Variants in ZDHHC6 observed in about 807,000 individuals in gnomAD.
ZDHHC6 encodes the protein zDHHC palmitoyltransferase 6, also known as palmitoyltransferase ZDHHC6.
ZDHHC6 carries 32 observed loss-of-function variants against 57.8 expected under a neutral mutation model. That is an observed-to-expected ratio of 0.55 (90% confidence interval 0.42 to 0.74). The LOEUF is 0.74. Among genes scored for constraint, ZDHHC6 ranks in the 30% least tolerant of loss-of-function variants. The pLI, the probability that ZDHHC6 is intolerant of heterozygous loss-of-function variation, is 0.00. For missense variants in ZDHHC6, 433 were observed against 500.7 expected (o/e 0.86, Z 1.29); for synonymous variants, 128 against 158.0 (o/e 0.81, Z 1.42).
At chr10:112,445,097 T>C in intron 2 of ZDHHC6, 73 bp downstream of exon 2, 2 of 1,502,566 alleles carry the variant, frequency 1.3e-6, no homozygotes. Flanking sequence ...TTGGTATTAT[T>C]GGTTAGTAGA....
chr10:112,430,134 C>G (rs1010432670), downstream of ZDHHC6, among the ~76,000 whole-genome samples: 1 of 152,220 alleles, frequency 6.6e-6, no homozygotes, highest in South Asian at 2.1e-4. Context: ...TCACTATGAC[C>G]GCAATATCCC....
In ZDHHC6 at chr10:112,443,368, G is replaced by A. The variant is rs1343652392; in HGVS notation, c.359+147C>T. 18 of 549,814 alleles carry A rather than the reference G, an allele frequency of 3.3e-5. 1 individual carries two copies. The highest frequency in any genetic ancestry group is 6.1e-5 in the South Asian group (2 of 32,994). The allele number at this position is 549,814 out of a possible 1,614,324, so 34.1% of individuals were successfully genotyped here. On this transcript the variant is annotated intron_variant, in intron 3 of 10. Transcript: ENST00000369405. Reference sequence around the variant, plus strand: ...CTAGATAATTTAAGTATAAAATGGCGATTATGGACACAAGTATTCTGACAA... The same window carrying A: ...CTAGATAATTTAAGTATAAAATGGCAATTATGGACACAAGTATTCTGACAA...
chr10:112,447,316 C>T (rs1436130466), upstream of ZDHHC6: 7 of 1,563,700 alleles, frequency 4.5e-6, no homozygotes, highest in African/African-American at 1.4e-5. Flanking sequence ...CCTCGCTGCC[C>T]CTCGAGGCCC....
chr10:112,442,495 A>G (rs1846219144), intron 3 of ZDHHC6, 144 bp from the exon 4 acceptor site: 2 of 756,388 alleles, frequency 2.6e-6, no homozygotes, highest in South Asian at 2.4e-5. Context: ...AGAAAGAAAA[A>G]TCTTTATGAG....
chr10:112,433,186 A>G, intron 8 of ZDHHC6, 54 bp downstream of exon 8: 1 of 1,437,954 alleles, frequency 7.0e-7, no homozygotes, highest in Non-Finnish European at 9.4e-7. Flanking sequence ...ACTGTATGGA[A>G]GTACAGAGCC....
chr10:112,439,842 C>A (rs1845941714), intron 5 of ZDHHC6, among the ~76,000 whole-genome samples: 1 of 151,604 alleles, frequency 6.6e-6, no homozygotes. Context: ...TTTATGCAGC[C>A]TTAGAAATTA....
intron 10 of ZDHHC6, among the ~76,000 whole-genome samples, 183 bp downstream of exon 10, chr10:112,432,057 C>T (rs965482530): frequency 3.3e-5 from 5 of 152,126 alleles, no homozygotes; most frequent in Non-Finnish European, 7.4e-5. Context: ...ATTAAAAAGA[C>T]CTGAAAAATA....
intron 6 of ZDHHC6, among the ~76,000 whole-genome samples, chr10:112,435,220 C>T (rs1178084368): frequency 6.6e-6 from 1 of 152,098 alleles, no homozygotes; most frequent in Non-Finnish European, 1.5e-5. Context: ...TCCACTGACA[C>T]CTAGTGGTAC....
intron 6 of ZDHHC6, among the ~76,000 whole-genome samples, chr10:112,437,603 T>G (rs1845664964): frequency 6.6e-6 from 1 of 152,204 alleles, no homozygotes; most frequent in South Asian, 2.1e-4. Flanking sequence ...GAAGTGAGAA[T>G]CCAACCATCT....
upstream of ZDHHC6, chr10:112,447,479 G>T (rs1363158897): frequency 1.2e-6 from 2 of 1,612,372 alleles, no homozygotes. Context: ...TGAGAGCCTT[G>T]CCCGGCTGGA....
At chr10:112,432,010 A>T (rs1269884393) in intron 10 of ZDHHC6, among the ~76,000 whole-genome samples, 2 of 152,240 alleles carry the variant, frequency 1.3e-5, no homozygotes, top group African/African-American at 4.8e-5. Context: ...TTATACAAGT[A>T]CTTTTCGCAT....
At chr10:112,443,774 GAGC>G (rs1846379207) in intron 2 of ZDHHC6, among the ~76,000 whole-genome samples, 168 bp from the exon 3 acceptor site, 1 of 152,154 alleles carries the variant, frequency 6.6e-6, no homozygotes. Flanking sequence ...TTTCTGGTAA[GAGC>G]AGCATCACTT....
chr10:112,447,343 T>G, upstream of ZDHHC6: 5 of 1,607,366 alleles, frequency 3.1e-6, no homozygotes, highest in Non-Finnish European at 4.2e-6. Context: ...TGACCTAGGC[T>G]TTGGCCTGGG....
chr10:112,430,882 G>A lies in ZDHHC6; in HGVS notation c.1164C>T (p.Phe388=). The stretch of plus-strand genomic sequence containing the variant: ...GACACTTTTCCACACATTTTCTAGG[G>A]AACCAACCCCTTATTCTTGAAACAC... ...IEGVSRIRGW[F]PRKCVEKCPC... Residue 388 remains phenylalanine, a synonymous_variant, in exon 11 of 11, where the codon TTC becomes TTT. Transcript: ENST00000369405. 1 of 1,613,618 alleles carries A rather than the reference G, an allele frequency of 6.2e-7. No homozygotes were observed. Among genetic ancestry groups the A allele is most frequent in the Non-Finnish European group, 8.5e-7 (1 of 1,179,810 alleles).
At chr10:112,436,018 T>A (rs1351657776) in intron 6 of ZDHHC6, among the ~76,000 whole-genome samples, 4 of 152,118 alleles carry the variant, frequency 2.6e-5, no homozygotes. Flanking sequence ...TAACTAAGTC[T>A]TGAGAAGCAA....
chr10:112,447,308 T>G, upstream of ZDHHC6: 1 of 1,541,780 alleles, frequency 6.5e-7, no homozygotes, highest in Non-Finnish European at 8.8e-7. Context: ...GCGGGGCCCC[T>G]CGCTGCCCCT....
intron 6 of ZDHHC6, among the ~76,000 whole-genome samples, chr10:112,435,979 AG>A (rs1845486389): frequency 6.6e-6 from 1 of 152,222 alleles, no homozygotes; most frequent in Non-Finnish European, 1.5e-5. Context: ...GGGAGTATCC[AG>A]GAAGGGTCCT....
downstream of ZDHHC6, chr10:112,426,938 G>A (rs970143951): frequency 1.6e-6 from 2 of 1,226,766 alleles, no homozygotes; most frequent in Admixed American, 3.7e-5. Context: ...AGGTTTAAAT[G>A]TATAATTTCT....
At chr10:112,440,107 ATCTGTCGGGAAGGGAAAATGTTTAC>A (rs1845965975) in intron 5 of ZDHHC6, among the ~76,000 whole-genome samples, 1 of 101,656 alleles carries the variant, frequency 9.8e-6, no homozygotes, top group Admixed American at 1.2e-4. Context: ...TGAATTAATC[ATCTGTCGGGAAGGGAAAATGTTTAC>A]CAAGTACATG....
Sources: gnomAD v4.1 joint callset for allele counts (sites outside exome capture counted in the v4.1 genomes callset) on GRCh38, gnomAD v4.1.1 for gene constraint, MANE v1.5 for transcripts, NCBI Gene and HGNC (gene_info 2026-07-23, HGNC 2026-07-21) for gene names.